The following MLEC variants were observed in gnomAD, a reference collection of about 807,000 sequenced individuals.
MLEC encodes the protein malectin.
Under a neutral mutation model 28.7 loss-of-function variants are expected in MLEC, and 7 were observed. That is an observed-to-expected ratio of 0.24 (90% CI 0.14 to 0.46). The LOEUF (loss-of-function observed/expected upper bound fraction) is 0.46. Ranked by LOEUF, MLEC falls within the 20% of genes least tolerant of loss-of-function variation. The probability of loss-of-function intolerance (pLI) is 0.99; values close to 1 mark genes in which losing one functional copy is unlikely to be tolerated. For missense variants in MLEC, 237 were observed against 391.1 expected (o/e 0.61, Z 3.32); for synonymous variants, 142 against 164.4 (o/e 0.86, Z 1.04).
rs541113895 is a variant in MLEC at position 120,689,345 on chromosome 12, A to G, written c.235+1814A>G. Reference sequence around the variant, plus strand: ...TAGCAGGTAAAATTACATGAGACCTACCAAAGCTTGTGTGTACTGGAGTCC... The same window carrying G: ...TAGCAGGTAAAATTACATGAGACCTGCCAAAGCTTGTGTGTACTGGAGTCC... On this transcript the variant is annotated intron_variant, in intron 1 of 4. Coordinates refer to ENST00000228506, the MANE Select transcript of MLEC (RefSeq NM_014730.4). Among the ~76,000 whole-genome samples the G allele has an allele frequency of 3.3e-5, 5 of 152,262 alleles. No homozygotes were observed. The South Asian group carries it at 6.2e-4, about 19-fold the overall frequency.
At position 120,687,199 on chromosome 12, in the gene MLEC, C is replaced by G; in HGVS notation, c.-98C>G. The stretch of plus-strand genomic sequence containing the variant: ...AGCGACATGTCCCCGGCGGCTCAGG[C>G]GGAGCGGCCCGTGGCGCTGTTTTTC... On this transcript the variant is annotated 5_prime_UTR_variant, in exon 1 of 5. Transcript: ENST00000228506. This position sits in a 1 kb window ranked among gnomAD's most constrained non-coding sequence, Gnocchi z 8.1. 1 of 1,260,324 alleles carries G rather than the reference C, an allele frequency of 7.9e-7. No individual in the cohort carries two copies. The highest frequency in any genetic ancestry group is 1.0e-6 in the Non-Finnish European group (1 of 996,108). 78.1% of individuals were successfully genotyped at this position (1,260,324 alleles called of 1,614,324 possible).
intron 1 of MLEC, among the ~76,000 whole-genome samples, chr12:120,691,532 T>C (rs1000293643): frequency 1.3e-5 from 2 of 152,258 alleles, no homozygotes; most frequent in Non-Finnish European, 2.9e-5. Context: ...CCTTCCTTTT[T>C]GGTTAACTGA....
intron 1 of MLEC, among the ~76,000 whole-genome samples, chr12:120,690,482 G>T (rs908764130): frequency 6.6e-6 from 1 of 152,118 alleles, no homozygotes; most frequent in African/African-American, 2.4e-5. Context: ...CTTGCTTTAC[G>T]TCTCTGAGCC....
chr12:120,693,372 A>G (rs1882109879), intron 1 of MLEC, among the ~76,000 whole-genome samples: 1 of 152,228 alleles, frequency 6.6e-6, no homozygotes, highest in Admixed American at 6.5e-5. Flanking sequence ...CTGGAGGTGC[A>G]GTGGTGACTT....
chr12:120,690,681 C>G (rs558762366), intron 1 of MLEC, among the ~76,000 whole-genome samples: 6 of 152,228 alleles, frequency 3.9e-5, no homozygotes, highest in African/African-American at 1.4e-4. Context: ...CAGAGCCTAT[C>G]AGGTTGCTAA....
rs1838101344 is a variant in MLEC, at chr12:120,694,986, A to C, written c.577A>C (p.Ile193Leu). ...GTCCACCTTCACAGGGAAACTCTAC[A>C]TTGAGTTTGTCAAGGTAATTCCCCT... The part of the protein sequence containing the change: ...EVSTFTGKLY[I>L]EFVKGYYDNP... Residue 193 changes from isoleucine to leucine, a missense_variant, in exon 3 of 5, where the codon ATT becomes CTT. By Grantham distance (5) the Ile-to-Leu change is conservative. Coordinates refer to ENST00000228506, the MANE Select transcript of MLEC (RefSeq NM_014730.4). This position sits in a 1 kb window ranked among gnomAD's most constrained non-coding sequence, Gnocchi z 4.5. 1 of 1,614,158 alleles carries C rather than the reference A, an allele frequency of 6.2e-7. No homozygotes were observed. The highest frequency in any genetic ancestry group is 1.7e-5 in the Admixed American group (1 of 60,020).
At chr12:120,690,512 A>G (rs974266139) in intron 1 of MLEC, among the ~76,000 whole-genome samples, 2 of 152,180 alleles carry the variant, frequency 1.3e-5, no homozygotes, top group Non-Finnish European at 2.9e-5. Context: ...TTTTCAAAAA[A>G]TCTCTCATGC....
In MLEC at chr12:120,700,728, G is replaced by A. The variant is rs1020663659; in HGVS notation, c.*4183G>A. The A allele has an allele frequency of 2.6e-5, 4 of 152,220 alleles. No homozygotes were observed. Among genetic ancestry groups the A allele is most frequent in the African/African-American group, 9.7e-5 (4 of 41,450 alleles). 9.4% of individuals were successfully genotyped at this position (152,220 alleles called of 1,614,324 possible). On this transcript the variant is annotated 3_prime_UTR_variant, in exon 5 of 5. Transcript: ENST00000228506. The surrounding 1 kb of genome is among the most constrained non-coding windows in gnomAD (Gnocchi z 4.0). The stretch of plus-strand genomic sequence containing the variant: ...CTTTCAGTCCAAACTAAGACTCTCT[G>A]TATTTAAATCTCTCTGGGGCAAGAG...
rs1881875546 is a variant in MLEC, at chr12:120,687,603, G to T, written c.235+72G>T. Reference sequence around the variant, plus strand: ...GGGCGCAGCCGGCCGGGGGCTGCGGGCCCCGAGCCCCTTTCGACCCTGGGG... The same window carrying T: ...GGGCGCAGCCGGCCGGGGGCTGCGGTCCCCGAGCCCCTTTCGACCCTGGGG... On this transcript the variant is annotated intron_variant, in intron 1 of 4. Transcript: ENST00000228506. The surrounding 1 kb of genome is among the most constrained non-coding windows in gnomAD (Gnocchi z 8.1). 2 of 1,230,320 alleles carry T rather than the reference G, an allele frequency of 1.6e-6. No homozygotes were observed. The highest frequency in any genetic ancestry group is 2.2e-6 in the Non-Finnish European group (2 of 923,426). The allele number at this position is 1,230,320 out of a possible 1,614,324, so 76.2% of individuals were successfully genotyped here. A position where few individuals can be genotyped will look rare whatever the true frequency, so the allele number is the denominator to read the frequency against.
At chr12:120,688,695 A>G (rs1223441909) in intron 1 of MLEC, among the ~76,000 whole-genome samples, 1 of 152,022 alleles carries the variant, frequency 6.6e-6, no homozygotes, top group East Asian at 1.9e-4. Context: ...AGTTCTTCCC[A>G]AGTCGATTGC....
At position 120,696,576 on chromosome 12, in the gene MLEC, G is replaced by A. The variant is rs762749611; in HGVS notation, c.*31G>A. On this transcript the variant is annotated 3_prime_UTR_variant, in exon 5 of 5. Transcript: ENST00000228506. This position sits in a 1 kb window ranked among gnomAD's most constrained non-coding sequence, Gnocchi z 5.4. ...AATGACTATCCTGAACAGGGTGGAG[G>A]GGTGTGGGAAAGAAACCAGCCATAT... is the stretch of plus-strand genomic sequence containing the variant. 2 of 1,606,952 alleles carry A rather than the reference G, an allele frequency of 1.2e-6. No individual in the cohort carries two copies. Among genetic ancestry groups the A allele is most frequent in the Non-Finnish European group, 1.7e-6 (2 of 1,176,252 alleles).
At position 120,701,201 on chromosome 12, in the gene MLEC, A is replaced by C. The variant is rs1882434047; in HGVS notation, c.*4656A>C. The C allele has an allele frequency of 1.3e-5, 2 of 152,092 alleles. No individual in the cohort carries two copies. Among genetic ancestry groups the C allele is most frequent in the Admixed American group, 6.6e-5 (1 of 15,264 alleles). 9.4% of individuals were successfully genotyped at this position (152,092 alleles called of 1,614,324 possible). On this transcript the variant is annotated 3_prime_UTR_variant, in exon 5 of 5. Transcript: ENST00000228506. This position sits in a 1 kb window ranked among gnomAD's most constrained non-coding sequence, Gnocchi z 4.0. ...TCAGTATGAGGAAAAACAACAACAAACTGAAGTGCGCTTTCCGTCCTTTCA... is the reference window on the plus strand; with the variant it reads ...TCAGTATGAGGAAAAACAACAACAACCTGAAGTGCGCTTTCCGTCCTTTCA...
At position 120,687,230 on chromosome 12, in the gene MLEC, C is replaced by A; in HGVS notation, c.-67C>A. 1 of 1,330,942 alleles carries A rather than the reference C, an allele frequency of 7.5e-7. No individual in the cohort carries two copies. The highest frequency in any genetic ancestry group is 4.1e-5 in the Admixed American group (1 of 24,480). The allele number at this position is 1,330,942 out of a possible 1,614,324, so 82.4% of individuals were successfully genotyped here. A position where few individuals can be genotyped will look rare whatever the true frequency, so the allele number is the denominator to read the frequency against. On this transcript the variant is annotated 5_prime_UTR_variant, in exon 1 of 5. Coordinates refer to ENST00000228506, the MANE Select transcript of MLEC (RefSeq NM_014730.4). The surrounding 1 kb of genome is among the most constrained non-coding windows in gnomAD (Gnocchi z 8.1). ...GGCCCGTGGCGCTGTTTTTCTGAGT[C>A]CGGGGTGGCCTGGCAGCCGGCCGAG...
chr12:120,690,482 G>A (rs908764130), intron 1 of MLEC, among the ~76,000 whole-genome samples: 5 of 152,118 alleles, frequency 3.3e-5, no homozygotes, highest in Non-Finnish European at 5.9e-5. Context: ...CTTGCTTTAC[G>A]TCTCTGAGCC....
rs1881880977 is a variant in MLEC, at chr12:120,687,679, C to A, written c.235+148C>A. On this transcript the variant is annotated intron_variant, in intron 1 of 4. Transcript: ENST00000228506. The surrounding 1 kb of genome is among the most constrained non-coding windows in gnomAD (Gnocchi z 8.1). ...TCTGCAGCTTCTTCGGGGGCCCGCT[C>A]TGAGCTCAGGGCCTGGCACTGGCTC... 3.7e-6 allele frequency: 2 copies of A among 535,642 alleles called. No individual in the cohort carries two copies. Among genetic ancestry groups the A allele is most frequent in the Non-Finnish European group, 6.1e-6 (2 of 328,244 alleles). 33.2% of individuals were successfully genotyped at this position (535,642 alleles called of 1,614,324 possible).
Position 120,687,595 on chromosome 12 carries a change from G to GGCTGC in MLEC, c.235+66_235+70dup, listed in dbSNP as rs1881875248. On this transcript the variant is annotated intron_variant, in intron 1 of 4. Transcript: ENST00000228506. This position sits in a 1 kb window ranked among gnomAD's most constrained non-coding sequence, Gnocchi z 8.1. ...GCTGTGCTGGGCGCAGCCGGCCGGG[G>GGCTGC]GCTGCGGGCCCCGAGCCCCTTTCGA... is the stretch of plus-strand genomic sequence containing the variant. 1 of 1,319,370 alleles carries GGCTGC rather than the reference G, an allele frequency of 7.6e-7. No individual in the cohort carries two copies. 81.7% of individuals were successfully genotyped at this position (1,319,370 alleles called of 1,614,324 possible). A position where few individuals can be genotyped will look rare whatever the true frequency, so the allele number is the denominator to read the frequency against.
intron 4 of MLEC, among the ~76,000 whole-genome samples, 155 bp downstream of exon 4, chr12:120,695,307 G>A (rs1882189262): frequency 6.6e-6 from 1 of 152,200 alleles, no homozygotes; most frequent in South Asian, 2.1e-4. Flanking sequence ...AGCATAACAT[G>A]GTACTAGCCA....
chr12:120,692,442 A>G (rs1392051452), intron 1 of MLEC, among the ~76,000 whole-genome samples: 1 of 152,088 alleles, frequency 6.6e-6, no homozygotes, highest in Non-Finnish European at 1.5e-5. Flanking sequence ...TTTCTTGAGG[A>G]GAAATAGAAA....
chr12:120,698,156 T>C lies in MLEC; in HGVS notation c.*1611T>C, dbSNP rs1470872954. 1 of 152,200 alleles carries C rather than the reference T, an allele frequency of 6.6e-6. No homozygotes were observed. Among genetic ancestry groups the C allele is most frequent in the African/African-American group, 2.4e-5 (1 of 41,436 alleles). The allele number at this position is 152,200 out of a possible 1,614,324, so 9.4% of individuals were successfully genotyped here. On this transcript the variant is annotated 3_prime_UTR_variant, in exon 5 of 5. Transcript: ENST00000228506. ...TCAGCTTGGGCTGGAGCAGTCAATA[T>C]AGGATCTCAGGCCAGGCCCGCTTTT...
Sources: gnomAD v4.1 joint callset for allele counts (sites outside exome capture counted in the v4.1 genomes callset) on GRCh38, gnomAD v4.1.1 for gene constraint, Gnocchi (gnomAD v3.1) non-coding constraint, MANE v1.5 for transcripts, NCBI Gene and HGNC (gene_info 2026-07-23, HGNC 2026-07-21) for gene names.